The following ANK2 variants were observed in gnomAD, a reference collection of about 807,000 sequenced individuals.
ANK2 encodes the protein ankyrin-2.
In ANK2, 83 loss-of-function variants were observed where a neutral mutation model predicts 360.5. The ratio of observed to expected loss-of-function variants is 0.23; its 90% CI spans 0.19 to 0.28. The LOEUF (loss-of-function observed/expected upper bound fraction) is 0.28. Among genes scored for constraint, ANK2 ranks in the 10% least tolerant of loss-of-function variants. The pLI is 1.00. For synonymous variants in ANK2, 1,740 were observed against 1,759.5 expected (o/e 0.99, Z 0.28); for missense variants, 4,201 against 4,795.7 (o/e 0.88, Z 3.66).
At chr4:112,733,794 A>C in the ANK2 span, among the ~76,000 whole-genome samples, 3 of 152,206 alleles carry the variant, frequency 2.0e-5, no homozygotes, top group East Asian at 5.8e-4. Context: ...TTGTTTTTTG[A>C]GACGGAGTCT....
At chr4:113,330,715 T>C (rs1402488403) in intron 27 of ANK2, among the ~76,000 whole-genome samples, 1 of 152,196 alleles carries the variant, frequency 6.6e-6, no homozygotes, top group African/African-American at 2.4e-5. Context: ...ATGTTAATAA[T>C]AGCTGCCAGA....
At chr4:112,777,330 C>T in the ANK2 span, among the ~76,000 whole-genome samples, 2 of 151,938 alleles carry the variant, frequency 1.3e-5, no homozygotes, top group Admixed American at 6.6e-5. Context: ...GCTCCGCCTC[C>T]TGGATTCACG....
At chr4:113,064,464 G>T (rs2074825666) in intron 1 of ANK2, among the ~76,000 whole-genome samples, 1 of 152,128 alleles carries the variant, frequency 6.6e-6, no homozygotes, top group Non-Finnish European at 1.5e-5. Context: ...AGGAGGAGGG[G>T]CTCTGCATTC....
the ANK2 span, among the ~76,000 whole-genome samples, chr4:112,806,787 C>T: frequency 2.6e-5 from 4 of 152,168 alleles, no homozygotes; most frequent in East Asian, 3.9e-4. Flanking sequence ...GCCGTGATGA[C>T]GCCACTGTAC....
At chr4:113,339,351 C>T in intron 32 of ANK2, 29 bp downstream of exon 32, 1 of 1,570,840 alleles carries the variant, frequency 6.4e-7, no homozygotes, top group Non-Finnish European at 8.8e-7. Context: ...GAAAAGCCCA[C>T]TATGATATGT....
At chr4:112,760,460 T>A in the ANK2 span, among the ~76,000 whole-genome samples, 6 of 152,108 alleles carry the variant, frequency 3.9e-5, no homozygotes, top group African/African-American at 1.4e-4. Flanking sequence ...GTGTTGGAAT[T>A]ACAGGCGTGA....
chr4:113,189,513 G>C (rs891071425), intron 2 of ANK2, among the ~76,000 whole-genome samples: 1 of 152,096 alleles, frequency 6.6e-6, no homozygotes, highest in Non-Finnish European at 1.5e-5. Context: ...CTTGAATTTA[G>C]TTACTATTTA....
intron 1 of ANK2, among the ~76,000 whole-genome samples, chr4:113,096,555 C>A (rs985036376): frequency 6.6e-6 from 1 of 152,126 alleles, no homozygotes; most frequent in Non-Finnish European, 1.5e-5. Flanking sequence ...TATGCTTTAT[C>A]TTTAAGGCCA....
At chr4:113,217,996 C>G (rs531768545) in intron 4 of ANK2, among the ~76,000 whole-genome samples, 2 of 152,212 alleles carry the variant, frequency 1.3e-5, no homozygotes, top group African/African-American at 4.8e-5. Context: ...ACTGCCTGCT[C>G]TAACTGCCTA....
chr4:113,234,778 T>C (rs1253704150), intron 5 of ANK2, among the ~76,000 whole-genome samples: 2 of 152,224 alleles, frequency 1.3e-5, no homozygotes, highest in African/African-American at 4.8e-5. Context: ...AAATTCATGA[T>C]TGAGAAGAAA....
chr4:113,035,361 T>G (rs2061365857), intron 2 of ANK2, among the ~76,000 whole-genome samples: 1 of 151,830 alleles, frequency 6.6e-6, no homozygotes, highest in Admixed American at 6.6e-5. Flanking sequence ...AGAAAAAGCT[T>G]CATAGTCAGT....
the ANK2 span, among the ~76,000 whole-genome samples, chr4:112,766,203 ACGC>A: frequency 6.6e-6 from 1 of 151,898 alleles, no homozygotes; most frequent in African/African-American, 2.4e-5. Context: ...GTGGTGGTGC[ACGC>A]CTGTAGTCCC....
the ANK2 span, among the ~76,000 whole-genome samples, chr4:112,773,716 A>G: frequency 1.3e-5 from 2 of 152,244 alleles, no homozygotes; most frequent in African/African-American, 4.8e-5. Flanking sequence ...GTGGTAACAG[A>G]TACAATATGT....
intron 1 of ANK2, among the ~76,000 whole-genome samples, chr4:113,121,258 A>G (rs1028486114): frequency 4.5e-4 from 68 of 152,186 alleles, no homozygotes; most frequent in African/African-American, 1.6e-3. Flanking sequence ...CACAAGTAGC[A>G]TGTGGCAGAG....
At chr4:112,917,363 T>G (rs1056292493) in intron 2 of ANK2, among the ~76,000 whole-genome samples, 4 of 152,222 alleles carry the variant, frequency 2.6e-5, no homozygotes, top group African/African-American at 9.6e-5. Context: ...AAGATTTTGC[T>G]TTATAACTTT....
the ANK2 span, among the ~76,000 whole-genome samples, chr4:112,774,540 T>G: frequency 6.6e-6 from 1 of 152,104 alleles, no homozygotes; most frequent in African/African-American, 2.4e-5. Context: ...AATAAATAGC[T>G]AACTAACGAA....
the ANK2 span, among the ~76,000 whole-genome samples, chr4:112,750,880 A>T: frequency 1.3e-5 from 2 of 152,030 alleles, no homozygotes; most frequent in African/African-American, 4.8e-5. Flanking sequence ...GGCACGGGCC[A>T]CCATGCCCAG....
chr4:113,056,696 A>G (rs2070096944), intron 1 of ANK2, among the ~76,000 whole-genome samples: 1 of 152,190 alleles, frequency 6.6e-6, no homozygotes, highest in African/African-American at 2.4e-5. Context: ...TAAATATGAT[A>G]GAGTATTTCT....
At chr4:113,245,738 A>G (rs1378638333) in intron 9 of ANK2, among the ~76,000 whole-genome samples, 1 of 152,206 alleles carries the variant, frequency 6.6e-6, no homozygotes. Context: ...ACATTGATAA[A>G]CTATATCAAT....
Sources: gnomAD v4.1 joint callset for allele counts (sites outside exome capture counted in the v4.1 genomes callset) on GRCh38, gnomAD v4.1.1 for gene constraint, MANE v1.5 for transcripts, NCBI Gene and HGNC (gene_info 2026-07-23, HGNC 2026-07-21) for gene names.